FOXP2: variants seen among roughly 807,000 people sequenced by gnomAD.
The protein encoded by FOXP2 is forkhead box protein P2.
Under a neutral mutation model 115.8 loss-of-function variants are expected in FOXP2, and 12 were observed. The observed-to-expected ratio is 0.10, with a 90% confidence interval of 0.07 to 0.17. The LOEUF (loss-of-function observed/expected upper bound fraction) is 0.17. FOXP2 is among the 10% of genes least tolerant of loss of function. The probability of loss-of-function intolerance (pLI) is 1.00; values close to 1 mark genes in which losing one functional copy is unlikely to be tolerated. For synonymous variants in FOXP2, 328 were observed against 297.7 expected (o/e 1.10, Z -1.05); for missense variants, 629 against 843.5 (o/e 0.75, Z 3.15).
At chr7:114,105,743 A>G (rs1177877937) in intron 1 of FOXP2, among the ~76,000 whole-genome samples, 3 of 152,042 alleles carry the variant, frequency 2.0e-5, no homozygotes, top group Admixed American at 6.6e-5. Flanking sequence ...CATGAGTTCT[A>G]ATTTTATAAG....
At chr7:114,515,574 T>G (rs1208408226) in intron 2 of FOXP2, among the ~76,000 whole-genome samples, 1 of 152,158 alleles carries the variant, frequency 6.6e-6, no homozygotes, top group African/African-American at 2.4e-5. Context: ...TGTTTGTTTT[T>G]TTCTTGTAAA....
intron 16 of FOXP2, among the ~76,000 whole-genome samples, chr7:114,672,011 G>C (rs562509108): frequency 6.6e-6 from 1 of 152,142 alleles, no homozygotes; most frequent in African/African-American, 2.4e-5. Context: ...TCTATCATTA[G>C]AATAGCATTA....
chr7:114,139,298 C>T (rs1463927724), intron 1 of FOXP2, among the ~76,000 whole-genome samples: 4 of 152,056 alleles, frequency 2.6e-5, no homozygotes, highest in Non-Finnish European at 4.4e-5. Context: ...TAGGCTTTAC[C>T]GAGTTATTCT....
At position 114,691,822 on chromosome 7, in the gene FOXP2, A is replaced by T. The variant is rs1262493003; in HGVS notation, c.*1896A>T. The T allele has an allele frequency of 2.2e-6, 1 of 452,716 alleles. No individual in the cohort carries two copies. The highest frequency in any genetic ancestry group is 4.4e-6 in the Non-Finnish European group (1 of 226,286). The allele number at this position is 452,716 out of a possible 1,614,324, so 28.0% of individuals were successfully genotyped here. A position where few individuals can be genotyped will look rare whatever the true frequency, so the allele number is the denominator to read the frequency against. On this transcript the variant is annotated 3_prime_UTR_variant, in exon 17 of 17. Coordinates refer to ENST00000350908, the MANE Select transcript of FOXP2 (RefSeq NM_014491.4). Reference sequence around the variant, plus strand: ...ATTCTTTGCTGAAGTCAGCAAATAGAGTTAGAGAGATACCCAGTCATCTAT... The same window carrying T: ...ATTCTTTGCTGAAGTCAGCAAATAGTGTTAGAGAGATACCCAGTCATCTAT...
intron 3 of FOXP2, among the ~76,000 whole-genome samples, chr7:114,610,351 C>T (rs940607899): frequency 1.3e-5 from 2 of 152,054 alleles, no homozygotes; most frequent in East Asian, 1.9e-4. Flanking sequence ...TTCATATTAA[C>T]TTTAATAAAT....
chr7:114,602,979 A>G (rs1181372601), intron 3 of FOXP2, among the ~76,000 whole-genome samples: 1 of 152,188 alleles, frequency 6.6e-6, no homozygotes, highest in African/African-American at 2.4e-5. Context: ...AATAACACAA[A>G]AACGTTATGT....
intron 1 of FOXP2, among the ~76,000 whole-genome samples, chr7:114,174,819 C>T (rs565569037): frequency 6.6e-6 from 1 of 152,160 alleles, no homozygotes; most frequent in South Asian, 2.1e-4. Flanking sequence ...TGATTTGGAT[C>T]TTTATCTTTG....
At chr7:114,564,748 G>T (rs1800922313) in intron 3 of FOXP2, among the ~76,000 whole-genome samples, 2 of 151,794 alleles carry the variant, frequency 1.3e-5, no homozygotes, top group African/African-American at 4.8e-5. Context: ...GAGCATGGTG[G>T]TATGCACTTG....
chr7:114,152,771 T>C (rs1052676056), intron 1 of FOXP2, among the ~76,000 whole-genome samples: 1 of 152,082 alleles, frequency 6.6e-6, no homozygotes, highest in African/African-American at 2.4e-5. Context: ...GGAAGGTGTT[T>C]GCTGTCATTG....
At chr7:114,150,636 A>T (rs1467680283) in intron 1 of FOXP2, among the ~76,000 whole-genome samples, 1 of 152,032 alleles carries the variant, frequency 6.6e-6, no homozygotes, top group Non-Finnish European at 1.5e-5. Flanking sequence ...AATTTTTAAG[A>T]AATGTTAATA....
chr7:114,462,060 C>A (rs1042049594), intron 2 of FOXP2, among the ~76,000 whole-genome samples: 11 of 151,870 alleles, frequency 7.2e-5, no homozygotes, highest in African/African-American at 2.4e-4. Flanking sequence ...GCAGGCTGAT[C>A]ACGAGGTCAA....
At chr7:114,648,822 A>G (rs1806066738) in intron 8 of FOXP2, among the ~76,000 whole-genome samples, 1 of 152,082 alleles carries the variant, frequency 6.6e-6, no homozygotes, top group Admixed American at 6.6e-5. Context: ...TGACCCATAA[A>G]TTAGAATTGG....
chr7:114,621,385 A>G (rs2129323529), intron 3 of FOXP2, among the ~76,000 whole-genome samples: 1 of 152,204 alleles, frequency 6.6e-6, no homozygotes, highest in East Asian at 1.9e-4. Flanking sequence ...ACCAAGATGC[A>G]TACATTACTA....
chr7:114,361,999 G>A (rs1791756623), intron 2 of FOXP2, among the ~76,000 whole-genome samples: 2 of 151,986 alleles, frequency 1.3e-5, no homozygotes, highest in South Asian at 4.1e-4. Context: ...TGCTGAAAGG[G>A]AACTTGGATA....
intron 1 of FOXP2, among the ~76,000 whole-genome samples, chr7:114,250,230 A>G (rs976057150): frequency 2.0e-5 from 3 of 152,030 alleles, no homozygotes; most frequent in African/African-American, 7.2e-5. Flanking sequence ...AGTCTTTGCT[A>G]TTGTGAATAG....
At chr7:114,281,725 A>G (rs1796341879) in intron 1 of FOXP2, among the ~76,000 whole-genome samples, 1 of 152,182 alleles carries the variant, frequency 6.6e-6, no homozygotes, top group African/African-American at 2.4e-5. Context: ...CTGACTGAAA[A>G]CACAATTGTC....
chr7:114,528,545 T>C (rs542767095), intron 2 of FOXP2, among the ~76,000 whole-genome samples: 3 of 152,054 alleles, frequency 2.0e-5, no homozygotes, highest in Non-Finnish European at 2.9e-5. Context: ...TGTATTTTAT[T>C]CTTCCAAATA....
chr7:114,568,432 T>TG lies in FOXP2; in HGVS notation c.258+33726_258+33727insG, dbSNP rs1563004800. ...TCTTCATGGTCTTGTGGGTTTTTTT[T>TG]TGGGGGGGGGTTATTTTGTTTTGTT... On this transcript the variant is annotated intron_variant, in intron 3 of 16. Coordinates refer to ENST00000350908, the MANE Select transcript of FOXP2 (RefSeq NM_014491.4). Among the ~76,000 whole-genome samples, 892 of 147,204 alleles carry TG rather than the reference T, an allele frequency of 6.1e-3. 10 individuals carry two copies. Among genetic ancestry groups the TG allele is most frequent in the African/African-American group, 0.021 (840 of 39,476 alleles).
intron 2 of FOXP2, among the ~76,000 whole-genome samples, chr7:114,459,586 A>G (rs551570973): frequency 6.6e-6 from 1 of 151,856 alleles, no homozygotes; most frequent in South Asian, 2.1e-4. Context: ...TGTTGTTGTT[A>G]TTGTTTCTTT....
Sources: gnomAD v4.1 joint callset for allele counts (sites outside exome capture counted in the v4.1 genomes callset) on GRCh38, gnomAD v4.1.1 for gene constraint, MANE v1.5 for transcripts, NCBI Gene and HGNC (gene_info 2026-07-23, HGNC 2026-07-21) for gene names.